The following CNTNAP2 variants were observed in gnomAD, a reference collection of about 807,000 sequenced individuals.
CNTNAP2 encodes contactin associated protein 2.
A neutral mutation model predicts 155.2 loss-of-function variants in CNTNAP2; 98 were observed. The observed-to-expected ratio is 0.63, with a 90% CI of 0.54 to 0.75. The LOEUF (loss-of-function observed/expected upper bound fraction) is 0.75. CNTNAP2 is among the 30% of genes least tolerant of loss of function. The probability of loss-of-function intolerance (pLI) is 0.00; values close to 1 mark genes in which losing one functional copy is unlikely to be tolerated. For synonymous variants in CNTNAP2, 651 were observed against 631.2 expected (o/e 1.03, Z -0.47); for missense variants, 1,727 against 1,688.1 (o/e 1.02, Z -0.40).
rs866500550 is a variant in CNTNAP2, at chr7:147,603,089, T to G, written c.1898-36017T>G. Among the ~76,000 whole-genome samples, 10 of 151,822 alleles carry G rather than the reference T, an allele frequency of 6.6e-5. No individual in the cohort carries two copies. The South Asian group carries it at 2.1e-3, about 32-fold the overall frequency. On this transcript the variant is annotated intron_variant, in intron 12 of 23. Transcript: ENST00000361727. ...GACTTCCACAATGGTTGAACTAGTT[T>G]ACAGTCCCACCAACAGTGTAAAAGT...
chr7:147,977,756 A>G, intron 14 of CNTNAP2, 106 bp from the exon 15 acceptor site: 1 of 1,504,406 alleles, frequency 6.6e-7, no homozygotes, highest in Non-Finnish European at 9.2e-7. Flanking sequence ...GTAAACTTCC[A>G]AACGATTACT....
chr7:147,069,620 G>A (rs1003791557), intron 4 of CNTNAP2, among the ~76,000 whole-genome samples: 3 of 152,182 alleles, frequency 2.0e-5, no homozygotes, highest in African/African-American at 7.2e-5. Context: ...TGGAATTAAA[G>A]CTTTACGTAA....
At chr7:146,125,642 G>A (rs1312995523) in intron 1 of CNTNAP2, among the ~76,000 whole-genome samples, 2 of 141,272 alleles carry the variant, frequency 1.4e-5, no homozygotes, top group Admixed American at 7.1e-5. Flanking sequence ...GACAAAAATA[G>A]TACCGTGTCA....
At chr7:146,156,737 G>C (rs13308909) in intron 1 of CNTNAP2, among the ~76,000 whole-genome samples, 1 of 151,992 alleles carries the variant, frequency 6.6e-6, no homozygotes, top group South Asian at 2.1e-4. Flanking sequence ...TGAGTAGCTG[G>C]GATTACAGGC....
At chr7:147,372,923 C>G (rs994407867) in intron 9 of CNTNAP2, among the ~76,000 whole-genome samples, 1 of 152,028 alleles carries the variant, frequency 6.6e-6, no homozygotes, top group Admixed American at 6.6e-5. Context: ...ATCCTCACTT[C>G]CTCTCTGTCT....
intron 8 of CNTNAP2, among the ~76,000 whole-genome samples, chr7:147,216,271 C>T (rs1603451): frequency 0.81 from 122,959 of 151,836 alleles, 50,434 homozygotes; most frequent in African/African-American, 0.95. Context: ...TAAGGTCATG[C>T]AGATTTTCTC....
intron 13 of CNTNAP2, among the ~76,000 whole-genome samples, chr7:147,691,210 T>A (rs1451376387): frequency 6.6e-6 from 1 of 152,162 alleles, no homozygotes; most frequent in Admixed American, 6.6e-5. Flanking sequence ...AAAAAGATTT[T>A]CTCAATTTTT....
intron 20 of CNTNAP2, among the ~76,000 whole-genome samples, chr7:148,237,047 A>G (rs534399718): frequency 1.4e-4 from 22 of 152,274 alleles, no homozygotes; most frequent in African/African-American, 3.6e-4. Flanking sequence ...ACCATATCAC[A>G]TACCATTCTT....
intron 20 of CNTNAP2, chr7:148,263,020 C>T: frequency 6.6e-6 from 1 of 152,408 alleles, no homozygotes; most frequent in Non-Finnish European, 1.5e-5. Flanking sequence ...TCATCCCTTC[C>T]GGCCACAGCC....
At chr7:147,168,597 T>C (rs1478499695) in intron 8 of CNTNAP2, among the ~76,000 whole-genome samples, 1 of 152,146 alleles carries the variant, frequency 6.6e-6, no homozygotes, top group African/African-American at 2.4e-5. Flanking sequence ...CTCGTGAAGA[T>C]TTAAAATATT....
intron 21 of CNTNAP2, among the ~76,000 whole-genome samples, chr7:148,319,425 G>T (rs1797751675): frequency 2.0e-5 from 3 of 151,954 alleles, no homozygotes; most frequent in African/African-American, 7.3e-5. Context: ...CTACTCCAAG[G>T]TTTATTTCAT....
rs1174473971 is a variant in CNTNAP2, at chr7:148,097,578, G to A, written c.2384-20540G>A. 4.6e-5 allele frequency among the ~76,000 whole-genome samples: 7 copies of A among 152,072 alleles called. No homozygotes were observed. The South Asian group carries it at 1.2e-3, about 27-fold the overall frequency. On this transcript the variant is annotated intron_variant, in intron 15 of 23. Transcript: ENST00000361727. ...TGGCTCACTGCAAGCTCTGCCTCCC[G>A]GGTTCACACCAATCTCCTGCCTCAG...
chr7:148,108,678 G>T (rs1374115283), intron 15 of CNTNAP2, among the ~76,000 whole-genome samples: 1 of 152,150 alleles, frequency 6.6e-6, no homozygotes, highest in Non-Finnish European at 1.5e-5. Context: ...GGAAGATGGT[G>T]GGTACAGAGG....
chr7:146,354,674 C>T (rs1460692649), intron 1 of CNTNAP2, among the ~76,000 whole-genome samples: 1 of 152,112 alleles, frequency 6.6e-6, no homozygotes, highest in Non-Finnish European at 1.5e-5. Context: ...CTCAGCCTCC[C>T]AAAGTGCTAG....
At chr7:148,209,831 G>A (rs1585189341) in intron 18 of CNTNAP2, among the ~76,000 whole-genome samples, 1 of 152,246 alleles carries the variant, frequency 6.6e-6, no homozygotes, top group African/African-American at 2.4e-5. Context: ...TTTCTATCTA[G>A]CCTCACTTCC....
intron 17 of CNTNAP2, among the ~76,000 whole-genome samples, chr7:148,150,611 C>G (rs1805280142): frequency 6.6e-6 from 1 of 152,204 alleles, no homozygotes; most frequent in South Asian, 2.1e-4. Context: ...TCTGGAGCCA[C>G]TTATCTCCAA....
intron 13 of CNTNAP2, among the ~76,000 whole-genome samples, chr7:147,886,475 CAAAAAAAAAAAAAAA>C (rs532837902): frequency 1.8e-4 from 7 of 39,738 alleles, no homozygotes; most frequent in South Asian, 1.7e-3. Flanking sequence ...AACTCCATCT[CAAAAAAAAAAAAAAA>C]AAAAAAAAAA....
intron 12 of CNTNAP2, among the ~76,000 whole-genome samples, chr7:147,581,253 A>C (rs867442347): frequency 2.0e-5 from 3 of 152,166 alleles, no homozygotes; most frequent in African/African-American, 7.2e-5. Context: ...ATACTGTATA[A>C]ATTTATAAGA....
At chr7:146,917,932 A>G (rs1260877825) in intron 3 of CNTNAP2, among the ~76,000 whole-genome samples, 1 of 152,204 alleles carries the variant, frequency 6.6e-6, no homozygotes, top group Middle Eastern at 3.2e-3. Flanking sequence ...CAGTGTAAAA[A>G]TGAACTAATA....
Sources: gnomAD v4.1 joint callset for allele counts (sites outside exome capture counted in the v4.1 genomes callset) on GRCh38, gnomAD v4.1.1 for gene constraint, MANE v1.5 for transcripts, NCBI Gene and HGNC (gene_info 2026-07-23, HGNC 2026-07-21) for gene names.